SIPA1L3: variants seen among roughly 807,000 people sequenced by gnomAD.
SIPA1L3 encodes the protein signal induced proliferation associated 1 like 3, also known as signal-induced proliferation-associated 1-like protein 3.
SIPA1L3 carries 59 observed loss-of-function variants against 150.1 expected under a neutral mutation model. The ratio of observed to expected loss-of-function variants is 0.39; its 90% CI spans 0.32 to 0.49. The LOEUF is 0.49. Ranked by LOEUF, SIPA1L3 falls within the 20% of genes least tolerant of loss-of-function variation. SIPA1L3 has a pLI of 0.86. For synonymous variants in SIPA1L3, 1,070 were observed against 1,077.6 expected, an observed-to-expected ratio of 0.99 and a Z score of 0.14; for missense variants, 2,211 against 2,489.5, an observed-to-expected ratio of 0.89 and a Z score of 2.38.
At chr19:38,022,939 C>G (rs1240177704) in intron 1 of SIPA1L3, among the ~76,000 whole-genome samples, 1 of 152,186 alleles carries the variant, frequency 6.6e-6, no homozygotes, top group Non-Finnish European at 1.5e-5. Flanking sequence ...AGATAGCTCT[C>G]CCAAAATGTT....
At chr19:38,003,968 T>C (rs1967874271) in intron 1 of SIPA1L3, among the ~76,000 whole-genome samples, 3 of 150,514 alleles carry the variant, frequency 2.0e-5, no homozygotes, top group East Asian at 2.0e-4. Context: ...TCTGGGACTG[T>C]TTGTGAGGAG....
chr19:37,986,374 T>A (rs903636159), intron 1 of SIPA1L3, among the ~76,000 whole-genome samples: 6 of 152,238 alleles, frequency 3.9e-5, no homozygotes, highest in Non-Finnish European at 8.8e-5. Flanking sequence ...TTCTCTTTCC[T>A]CTAGTTTCTT....
intron 10 of SIPA1L3, among the ~76,000 whole-genome samples, chr19:38,140,852 G>A (rs911840663): frequency 6.6e-6 from 1 of 152,042 alleles, no homozygotes; most frequent in East Asian, 1.9e-4. Flanking sequence ...GAGGTCAGGA[G>A]TTCGAGACCA....
At chr19:38,010,685 C>T (rs539419625) in intron 1 of SIPA1L3, among the ~76,000 whole-genome samples, 23 of 151,926 alleles carry the variant, frequency 1.5e-4, no homozygotes, top group Non-Finnish European at 2.8e-4. Flanking sequence ...CACTCCAGCC[C>T]GGGCAACAAG....
chr19:38,139,778 C>T (rs990610914), intron 10 of SIPA1L3, among the ~76,000 whole-genome samples: 2 of 152,186 alleles, frequency 1.3e-5, no homozygotes, highest in African/African-American at 2.4e-5. Flanking sequence ...GCTGCAGGTT[C>T]AAGATCCAGG....
At chr19:37,960,597 C>T (rs897646765) in intron 1 of SIPA1L3, among the ~76,000 whole-genome samples, 9 of 151,584 alleles carry the variant, frequency 5.9e-5, no homozygotes, top group African/African-American at 1.7e-4. Context: ...TTAGTAGAGA[C>T]GGGGTTTCAC....
At chr19:37,948,659 G>A (rs573775774) in intron 1 of SIPA1L3, among the ~76,000 whole-genome samples, 1 of 152,280 alleles carries the variant, frequency 6.6e-6, no homozygotes, top group East Asian at 1.9e-4. Flanking sequence ...TGGGGCCACA[G>A]TTAGGGCTCA....
intron 11 of SIPA1L3, 110 bp from the exon 12 acceptor site, chr19:38,142,463 G>C: frequency 7.9e-7 from 1 of 1,258,926 alleles, no homozygotes; most frequent in Non-Finnish European, 1.1e-6. Flanking sequence ...AGTTCGGTTG[G>C]TCTGTCTGTC....
intron 1 of SIPA1L3, among the ~76,000 whole-genome samples, chr19:38,006,136 G>A (rs1321868058): frequency 6.6e-6 from 1 of 152,158 alleles, no homozygotes. Context: ...GTGATGCTGG[G>A]GCTGAGAGCA....
chr19:38,005,271 C>T (rs1340544761), intron 1 of SIPA1L3, among the ~76,000 whole-genome samples: 2 of 152,166 alleles, frequency 1.3e-5, no homozygotes, highest in Non-Finnish European at 2.9e-5. Flanking sequence ...AACCTCATTG[C>T]AACTCTCTAC....
chr19:37,930,617 A>G (rs777947248), intron 1 of SIPA1L3, among the ~76,000 whole-genome samples: 8 of 152,126 alleles, frequency 5.3e-5, no homozygotes, highest in Non-Finnish European at 1.2e-4. Flanking sequence ...TGAGATTGCA[A>G]AGGGCTGAGG....
chr19:38,059,919 C>T (rs1164045662), intron 2 of SIPA1L3, among the ~76,000 whole-genome samples: 1 of 152,182 alleles, frequency 6.6e-6, no homozygotes, highest in Non-Finnish European at 1.5e-5. Context: ...GGATTACAGG[C>T]ACCTGCCACA....
chr19:38,097,564 A>T (rs1255627776), intron 4 of SIPA1L3, among the ~76,000 whole-genome samples: 1 of 151,964 alleles, frequency 6.6e-6, no homozygotes, highest in African/African-American at 2.4e-5. Flanking sequence ...TGTGTTATGT[A>T]CTTTTTTTTT....
chr19:38,101,163 C>T lies in SIPA1L3; in HGVS notation c.1966C>T (p.Leu656Phe), dbSNP rs201178535. The change falls in exon 6 of 22, where the codon CTC becomes TTC. Residue 656 changes from leucine (L) to phenylalanine (F), a missense_variant. Leu to Phe is a conservative substitution (Grantham distance 22, BLOSUM62 0). Transcript: ENST00000222345. ...AGPAFEEFLS[L>F]IGEKVCLKGF... ...CCCCGCCTTTGAGGAGTTCCTCTCC[C>T]TCATCGGCGAGAAGGTCTGCCTGAA... 70 of 1,609,652 alleles carry T rather than the reference C, an allele frequency of 4.3e-5. No homozygotes were observed. Among genetic ancestry groups the T allele is most frequent in the Middle Eastern group, 1.8e-4 (1 of 5,704 alleles).
At chr19:37,910,900 G>A (rs1253821742) in intron 1 of SIPA1L3, among the ~76,000 whole-genome samples, 1 of 152,108 alleles carries the variant, frequency 6.6e-6, no homozygotes, top group Non-Finnish European at 1.5e-5. Flanking sequence ...CTGGCCTATT[G>A]CTTCCTTTTT....
chr19:38,102,240 A>T (rs2569415), intron 6 of SIPA1L3, among the ~76,000 whole-genome samples: 18,778 of 143,976 alleles, frequency 0.13, 1,403 homozygotes, highest in African/African-American at 0.16. Context: ...AGAGATGGGG[A>T]TTTACTATAT....
intron 20 of SIPA1L3, chr19:38,203,812 G>T (rs977285228): frequency 2.2e-5 from 7 of 325,218 alleles, no homozygotes; most frequent in Non-Finnish European, 3.4e-5. Context: ...TATCCTGGAG[G>T]TACGAAGAAG....
intron 18 of SIPA1L3, among the ~76,000 whole-genome samples, chr19:38,197,559 C>T (rs1972988562): frequency 6.6e-6 from 1 of 152,062 alleles, no homozygotes; most frequent in Non-Finnish European, 1.5e-5. Flanking sequence ...GGACTCTCCT[C>T]GTCGCCAGCT....
Position 38,082,257 on chromosome 19 carries a change from A to G in SIPA1L3, c.692A>G (p.Asp231Gly), listed in dbSNP as rs2145823587. 1.2e-6 allele frequency: 2 copies of G among 1,600,614 alleles called. No individual in the cohort carries two copies. The highest frequency in any genetic ancestry group is 2.2e-5 in the South Asian group (2 of 91,060). The change falls in exon 3 of 22, where the codon GAC (aspartate) becomes GGC (glycine). Residue 231 changes from aspartate to glycine, a missense_variant. This residue lies in a region of SIPA1L3 where 587 missense variants were observed against 534.5 expected (regional missense o/e 1.10). Coordinates refer to ENST00000222345, the MANE Select transcript of SIPA1L3 (RefSeq NM_015073.3). ...ILNEFRSEQP[D>G]ARGCQALTEL... Reference sequence around the variant, plus strand: ...AACGAGTTCCGCAGCGAGCAGCCCGACGCCCGAGGGTGCCAGGCCCTCACC... The same window carrying G: ...AACGAGTTCCGCAGCGAGCAGCCCGGCGCCCGAGGGTGCCAGGCCCTCACC...
Sources: allele counts gnomAD v4.1 joint callset (sites outside exome capture counted in the v4.1 genomes callset), GRCh38; gene constraint gnomAD v4.1.1; regional missense constraint gnomAD v4.1.1; transcripts MANE v1.5; gene names NCBI Gene and HGNC (gene_info 2026-07-23, HGNC 2026-07-21).